The following TMEM62 variants were observed in gnomAD, a reference collection of about 807,000 sequenced individuals.
TMEM62 encodes transmembrane protein 62.
TMEM62 carries 41 observed loss-of-function variants against 70.4 expected under a neutral mutation model. That is an observed-to-expected ratio of 0.58 (90% CI 0.45 to 0.76). TMEM62 has a LOEUF of 0.76. Among genes scored for constraint, TMEM62 ranks in the 30% least tolerant of loss-of-function variants. The pLI is 0.00. For missense variants in TMEM62, 688 were observed against 788.5 expected, an observed-to-expected ratio of 0.87 and a Z score of 1.53; for synonymous variants, 268 against 291.0, an observed-to-expected ratio of 0.92 and a Z score of 0.80.
In TMEM62 at chr15:43,178,564, C is replaced by T. The variant is rs377548644; in HGVS notation, c.1382-43C>T. The T allele has an allele frequency of 8.7e-6, 11 of 1,260,144 alleles. No homozygotes were observed. The African/African-American group carries it at 8.9e-5, about 10-fold the overall frequency. 78.1% of individuals were successfully genotyped at this position (1,260,144 alleles called of 1,614,324 possible). A position where few individuals can be genotyped will look rare whatever the true frequency, so the allele number is the denominator to read the frequency against. The stretch of plus-strand genomic sequence containing the variant: ...TAGAAAATGTCATAAAGAAACTGAA[C>T]TTTGCATGTGTTCACTGGGTTTTTC... On this transcript the variant is annotated intron_variant, in intron 11 of 13. Transcript: ENST00000260403.
Position 43,135,532 on chromosome 15 carries a change from A to G in TMEM62, c.313A>G (p.Thr105Ala). 1 of 1,606,182 alleles carries G rather than the reference A, an allele frequency of 6.2e-7. No homozygotes were observed. The highest frequency in any genetic ancestry group is 8.5e-7 in the Non-Finnish European group (1 of 1,178,274). The change falls in exon 3 of 14, where the codon ACA becomes GCA. Residue 105 changes from threonine (T) to alanine (A), a missense_variant. Physicochemically the swap from Thr to Ala is moderately conservative, Grantham distance 58. Transcript: ENST00000260403. ...LATGDLTDAK[T>A]KEQLGSRQHE... Reference sequence around the variant, plus strand: ...TACAGGAGACCTGACAGATGCCAAAACAAAGGAACAGTTGGGATCCAGGCA... The same window carrying G: ...TACAGGAGACCTGACAGATGCCAAAGCAAAGGAACAGTTGGGATCCAGGCA...
At chr15:43,158,003 G>T (rs1834642) in intron 9 of TMEM62, among the ~76,000 whole-genome samples, 133,491 of 151,628 alleles carry the variant, frequency 0.88, 58,879 homozygotes, top group Middle Eastern at 0.94. Context: ...CCTCTTTTTT[G>T]TACCCTTAAA....
In TMEM62 at chr15:43,176,743, G is replaced by T. The variant is rs947232420; in HGVS notation, c.1382-1864G>T. 2.0e-5 allele frequency among the ~76,000 whole-genome samples: 3 copies of T among 151,998 alleles called. 1 individual carries two copies. The highest frequency in any genetic ancestry group is 4.4e-5 in the Non-Finnish European group (3 of 68,036). ...AACCACAAAGATGGGGAAAAAAACA[G>T]AGCAGAAAAACTGGAAAACTCTAAA... On this transcript the variant is annotated intron_variant, in intron 11 of 13. Transcript: ENST00000260403.
intron 8 of TMEM62, 98 bp from the exon 9 acceptor site, chr15:43,154,574 C>A: frequency 9.5e-7 from 1 of 1,058,124 alleles, no homozygotes; most frequent in Non-Finnish European, 1.3e-6. Flanking sequence ...ATGGTTCTGC[C>A]TATACGTGTA....
intron 5 of TMEM62, 138 bp downstream of exon 5, chr15:43,146,772 C>T (rs2036723663): frequency 3.9e-6 from 3 of 770,926 alleles, no homozygotes; most frequent in African/African-American, 3.5e-5. Context: ...ACAGGTATGG[C>T]TAGAAGTTAC....
intron 2 of TMEM62, 144 bp downstream of exon 2, chr15:43,134,512 C>T: frequency 1.6e-6 from 1 of 631,310 alleles, no homozygotes; most frequent in Non-Finnish European, 2.8e-6. Flanking sequence ...AGAGATTGGA[C>T]ATTCTAACCC....
intron 4 of TMEM62, among the ~76,000 whole-genome samples, chr15:43,144,734 G>C (rs1227752131): frequency 6.6e-6 from 1 of 152,166 alleles, no homozygotes; most frequent in Non-Finnish European, 1.5e-5. Flanking sequence ...GAAAGGAAGA[G>C]GACAGAGATG....
At chr15:43,179,507 A>G (rs768776618) in intron 12 of TMEM62, among the ~76,000 whole-genome samples, 4 of 152,226 alleles carry the variant, frequency 2.6e-5, no homozygotes, top group African/African-American at 9.6e-5. Context: ...ATAATAGACT[A>G]TATCATGTAG....
At position 43,184,935 on chromosome 15, in the gene TMEM62, G is replaced by C; in HGVS notation, c.*349G>C. ...AGTGTGTTTTTTAGGGTTACCCCAT[G>C]TAAAGCACTTACCGCTGTGCTTGGA... On this transcript the variant is annotated 3_prime_UTR_variant, in exon 14 of 14. Transcript: ENST00000260403. 3 of 303,374 alleles carry C rather than the reference G, an allele frequency of 9.9e-6. No individual in the cohort carries two copies. The highest frequency in any genetic ancestry group is 1.9e-5 in the Non-Finnish European group (3 of 161,710). 18.8% of individuals were successfully genotyped at this position (303,374 alleles called of 1,614,324 possible).
chr15:43,142,688 T>G (rs2036202353), intron 4 of TMEM62, among the ~76,000 whole-genome samples: 1 of 151,284 alleles, frequency 6.6e-6, no homozygotes. Flanking sequence ...GTTTTTTTTT[T>G]GAGACAGGGT....
chr15:43,142,016 C>T (rs1377674316), intron 4 of TMEM62, among the ~76,000 whole-genome samples: 2 of 152,138 alleles, frequency 1.3e-5, no homozygotes, highest in Admixed American at 6.5e-5. Context: ...TCTACTCCTT[C>T]TAAATATGGT....
chr15:43,133,712 A>G lies in TMEM62; in HGVS notation c.-91A>G, dbSNP rs1488435400. On this transcript the variant is annotated 5_prime_UTR_variant, in exon 1 of 14. It adds an upstream start codon to the 5' untranslated region. Coordinates refer to ENST00000260403, the MANE Select transcript of TMEM62 (RefSeq NM_024956.4). The stretch of plus-strand genomic sequence containing the variant: ...CATCCAGCTCTGGCCCTGCGACAAT[A>G]GAGTCCGGAAGTGCAGGCAAAGCGG... 4 of 887,432 alleles carry G rather than the reference A, an allele frequency of 4.5e-6. No homozygotes were observed. Among genetic ancestry groups the G allele is most frequent in the Admixed American group, 4.4e-5 (1 of 22,752 alleles). The allele number at this position is 887,432 out of a possible 1,614,324, so 55.0% of individuals were successfully genotyped here.
At chr15:43,175,139 C>A (rs1014410184) in intron 11 of TMEM62, among the ~76,000 whole-genome samples, 88 of 152,236 alleles carry the variant, frequency 5.8e-4, no homozygotes, top group African/African-American at 2.1e-3. Context: ...ATAGCTGCCT[C>A]TAAGGCTAAA....
Position 43,160,796 on chromosome 15 carries a change from T to C in TMEM62, c.1296+2T>C. On this transcript the variant is annotated splice_donor_variant, in intron 10 of 13. Coordinates refer to ENST00000260403, the MANE Select transcript of TMEM62 (RefSeq NM_024956.4). LOFTEE classifies it high-confidence loss of function. ...CTCCGTACTGATCACTACATCATGG[T>C]AAGTGAATTCAATTAAATATTACAT... is the stretch of plus-strand genomic sequence containing the variant. 1 of 1,526,376 alleles carries C rather than the reference T, an allele frequency of 6.6e-7. No individual in the cohort carries two copies. Among genetic ancestry groups the C allele is most frequent in the South Asian group, 1.2e-5 (1 of 85,710 alleles). 94.6% of individuals were successfully genotyped at this position (1,526,376 alleles called of 1,614,324 possible). A position where few individuals can be genotyped will look rare whatever the true frequency, so the allele number is the denominator to read the frequency against.
At chr15:43,178,361 A>G (rs935710452) in intron 11 of TMEM62, among the ~76,000 whole-genome samples, 3 of 152,104 alleles carry the variant, frequency 2.0e-5, no homozygotes, top group Non-Finnish European at 4.4e-5. Context: ...ATCTTATGAT[A>G]TATATAAAAT....
Position 43,146,565 on chromosome 15 carries a change from C to T in TMEM62, c.549C>T (p.Phe183=). 1.2e-6 allele frequency: 2 copies of T among 1,613,442 alleles called. No individual in the cohort carries two copies. Among genetic ancestry groups the T allele is most frequent in the Non-Finnish European group, 1.7e-6 (2 of 1,179,430 alleles). ...VHSTPFGNYS[F]ICVDATVNPG... ...GTACTCCCTTTGGCAACTATTCGTT[C>T]ATCTGTGTAGATGCCACTGTAAATC... The change falls in exon 5 of 14, where the codon TTC becomes TTT. Residue 183 remains phenylalanine, a synonymous_variant. Coordinates refer to ENST00000260403, the MANE Select transcript of TMEM62 (RefSeq NM_024956.4).
intron 7 of TMEM62, among the ~76,000 whole-genome samples, chr15:43,151,378 T>C (rs2037368625): frequency 6.6e-6 from 1 of 152,096 alleles, no homozygotes; most frequent in Admixed American, 6.5e-5. Flanking sequence ...TTTCTAATTT[T>C]GTTCATATCA....
Position 43,178,651 on chromosome 15 carries a change from T to G in TMEM62, c.1426T>G (p.Leu476Val), listed in dbSNP as rs546460521. The G allele has an allele frequency of 6.2e-7, 1 of 1,613,394 alleles. No homozygotes were observed. Among genetic ancestry groups the G allele is most frequent in the Non-Finnish European group, 8.5e-7 (1 of 1,179,516 alleles). ...INLTSFSLHV[L>V]SKINIFYYSV... ...TCTGACCTCATTTTCTCTTCATGTC[T>G]TGAGCAAAATAAACATCTTCTACTA... Residue 476 changes from leucine (L) to valine (V), a missense_variant, in exon 12 of 14, where the codon TTG (leucine) becomes GTG (valine). Transcript: ENST00000260403.
intron 12 of TMEM62, 24 bp downstream of exon 12, chr15:43,178,735 G>T (rs372194836): frequency 4.2e-5 from 61 of 1,453,356 alleles, no homozygotes; most frequent in Non-Finnish European, 5.8e-5. Context: ...TACAGATTAT[G>T]GGGAATTTTG....
Sources: allele counts gnomAD v4.1 joint callset (sites outside exome capture counted in the v4.1 genomes callset), GRCh38; gene constraint gnomAD v4.1.1; transcripts MANE v1.5; gene names NCBI Gene and HGNC (gene_info 2026-07-23, HGNC 2026-07-21).